NYAP2: variants seen among roughly 807,000 people sequenced by gnomAD.
The protein encoded by NYAP2 is neuronal tyrosine-phosphorylated phosphoinositide-3-kinase adapter 2.
In NYAP2, 23 loss-of-function variants were observed where a neutral mutation model predicts 50.4. The ratio of observed to expected loss-of-function variants is 0.46; its 90% confidence interval spans 0.33 to 0.65. The LOEUF (loss-of-function observed/expected upper bound fraction) is 0.65. Among genes scored for constraint, NYAP2 ranks in the 30% least tolerant of loss-of-function variants. NYAP2 has a pLI of 0.02. For missense variants in NYAP2, 885 were observed against 861.0 expected, an observed-to-expected ratio of 1.03 and a Z score of -0.35; for synonymous variants, 394 against 365.2, an observed-to-expected ratio of 1.08 and a Z score of -0.90.
At chr2:225,657,162 G>A (rs188008467), downstream of NYAP2, among the ~76,000 whole-genome samples, 2 of 142,100 alleles carry the variant, frequency 1.4e-5, no homozygotes, top group African/African-American at 2.7e-5. Context: ...CTAGGCTGGC[G>A]TGCAATGATG....
chr2:225,584,013 G>T (rs1692347951), intron 5 of NYAP2, among the ~76,000 whole-genome samples: 1 of 152,116 alleles, frequency 6.6e-6, no homozygotes, highest in South Asian at 2.1e-4. Flanking sequence ...CTGCTCTCCA[G>T]CCTGGGCGAT....
At chr2:225,633,126 G>T (rs1429224469) in intron 6 of NYAP2, among the ~76,000 whole-genome samples, 1 of 152,162 alleles carries the variant, frequency 6.6e-6, no homozygotes, top group Non-Finnish European at 1.5e-5. Context: ...GGATGAAAAA[G>T]GTGAAGAGAC....
intron 5 of NYAP2, among the ~76,000 whole-genome samples, chr2:225,603,593 G>A (rs548831395): frequency 1.3e-5 from 2 of 152,120 alleles, no homozygotes; most frequent in African/African-American, 4.8e-5. Context: ...TTTTAGGAAG[G>A]GTGTTGTGTT....
chr2:225,549,273 A>G (rs1427284086), intron 4 of NYAP2, among the ~76,000 whole-genome samples: 1 of 152,224 alleles, frequency 6.6e-6, no homozygotes, highest in African/African-American at 2.4e-5. Flanking sequence ...TCTTGTCTCT[A>G]CTTAACATTT....
chr2:225,641,217 A>G (rs67625232), intron 6 of NYAP2, among the ~76,000 whole-genome samples: 26,999 of 152,022 alleles, frequency 0.18, 2,807 homozygotes, highest in East Asian at 0.42. Context: ...CCCTGTGGAG[A>G]TGCTGCACCA....
the NYAP2 span, among the ~76,000 whole-genome samples, chr2:225,696,625 C>T: frequency 6.6e-6 from 1 of 151,888 alleles, no homozygotes; most frequent in African/African-American, 2.4e-5. Context: ...CAAAACCTAC[C>T]TGCCTGGTTT....
At chr2:225,424,214 G>A (rs910953665) in intron 3 of NYAP2, among the ~76,000 whole-genome samples, 8 of 152,102 alleles carry the variant, frequency 5.3e-5, no homozygotes, top group African/African-American at 1.9e-4. Context: ...GTGATAGCAG[G>A]ACAATGAACT....
At chr2:225,585,682 G>A (rs924997363) in intron 5 of NYAP2, among the ~76,000 whole-genome samples, 1 of 152,134 alleles carries the variant, frequency 6.6e-6, no homozygotes, top group African/African-American at 2.4e-5. Flanking sequence ...GAAAAATGCA[G>A]GTAATACAAA....
chr2:225,529,141 C>T (rs1017857202), intron 4 of NYAP2, among the ~76,000 whole-genome samples: 1 of 152,062 alleles, frequency 6.6e-6, no homozygotes, highest in Non-Finnish European at 1.5e-5. Context: ...GAAAGGAGTT[C>T]ATAACCTGCC....
At chr2:225,568,514 C>G (rs1559216836) in intron 4 of NYAP2, among the ~76,000 whole-genome samples, 1 of 152,106 alleles carries the variant, frequency 6.6e-6, no homozygotes, top group Non-Finnish European at 1.5e-5. Context: ...CAAAATACCC[C>G]AAATTCTGAA....
chr2:225,665,911 T>C, the NYAP2 span, among the ~76,000 whole-genome samples: 1,055 of 147,874 alleles, frequency 7.1e-3, 16 homozygotes, highest in African/African-American at 0.025. Flanking sequence ...CACGACCTTC[T>C]TTCCTTCTTA....
At chr2:225,694,354 T>C in the NYAP2 span, among the ~76,000 whole-genome samples, 23 of 151,636 alleles carry the variant, frequency 1.5e-4, no homozygotes, top group African/African-American at 5.3e-4. Flanking sequence ...GAAAAGAAAA[T>C]AGAAAAGCGA....
At position 225,408,855 on chromosome 2, in the gene NYAP2, AC is replaced by A. The variant is rs563133861; in HGVS notation, c.-17-6del. On this transcript the variant is annotated splice_polypyrimidine_tract_variant and splice_region_variant and intron_variant, in intron 2 of 6. Transcript: ENST00000636099. Reference sequence around the variant, plus strand: ...CTGGATAAAAGTAAAATGTGTTCTCACCCTGCAGGCAGTGTTCCTCTTTACA... The same window carrying A: ...CTGGATAAAAGTAAAATGTGTTCTCACCTGCAGGCAGTGTTCCTCTTTACA... 2.0e-5 allele frequency: 30 copies of A among 1,494,138 alleles called. No homozygotes were observed. In the Admixed American group the frequency reaches 4.9e-4, roughly 25 times the overall value. The allele number at this position is 1,494,138 out of a possible 1,614,324, so 92.6% of individuals were successfully genotyped here. A position where few individuals can be genotyped will look rare whatever the true frequency, so the allele number is the denominator to read the frequency against.
intron 4 of NYAP2, among the ~76,000 whole-genome samples, chr2:225,518,746 T>C (rs772291618): frequency 1.5e-4 from 22 of 149,248 alleles, no homozygotes; most frequent in Non-Finnish European, 2.5e-4. Context: ...AGGCCAGGCA[T>C]GGTGGCTTAC....
At chr2:225,551,768 T>C (rs1471133719) in intron 4 of NYAP2, among the ~76,000 whole-genome samples, 1 of 152,214 alleles carries the variant, frequency 6.6e-6, no homozygotes, top group Non-Finnish European at 1.5e-5. Context: ...GGTTGAGGCA[T>C]ATACACAGTA....
chr2:225,668,515 GAAGAA>G, the NYAP2 span, among the ~76,000 whole-genome samples: 2 of 152,132 alleles, frequency 1.3e-5, no homozygotes, highest in East Asian at 3.9e-4. Flanking sequence ...CTTAGAAAAA[GAAGAA>G]ATCTAATTAT....
chr2:225,624,489 G>C lies in NYAP2; in HGVS notation c.1619-2428G>C, dbSNP rs546451447. Among the ~76,000 whole-genome samples the C allele has an allele frequency of 2.0e-5, 3 of 152,166 alleles. No individual in the cohort carries two copies. The East Asian group carries it at 5.8e-4, about 29-fold the overall frequency. ...CTATTTGAGGCCAATTTTTACATGG[G>C]TGGTTGTTTAGCTTTTAGGATTATT... On this transcript the variant is annotated intron_variant, in intron 5 of 6. Transcript: ENST00000636099.
intron 4 of NYAP2, among the ~76,000 whole-genome samples, chr2:225,550,060 C>T (rs966304437): frequency 6.6e-6 from 1 of 151,712 alleles, no homozygotes; most frequent in Non-Finnish European, 1.5e-5. Flanking sequence ...GAACCTCAGG[C>T]TCAGTCAAAT....
chr2:225,582,117 C>G lies in NYAP2; in HGVS notation c.700C>G (p.Pro234Ala). Residue 234 changes from proline to alanine, a missense_variant, in exon 5 of 7, where the codon CCC (proline) becomes GCC (alanine). Coordinates refer to ENST00000636099, the Ensembl canonical transcript of NYAP2. The surrounding 1 kb of genome is among the most constrained non-coding windows in gnomAD (Gnocchi z 7.0). Reference sequence around the variant, plus strand: ...CTCCTCCTTGTCCCAGATGGGCAGCCCCGCGGGAGACCCCGAGGAAGAGGA... The same window carrying G: ...CTCCTCCTTGTCCCAGATGGGCAGCGCCGCGGGAGACCCCGAGGAAGAGGA... 6.2e-7 allele frequency: 1 copy of G among 1,613,920 alleles called. No homozygotes were observed. The highest frequency in any genetic ancestry group is 8.5e-7 in the Non-Finnish European group (1 of 1,179,824).
Sources: allele counts gnomAD v4.1 joint callset (sites outside exome capture counted in the v4.1 genomes callset), GRCh38; gene constraint gnomAD v4.1.1; non-coding constraint Gnocchi (gnomAD v3.1); transcripts MANE v1.5; gene names NCBI Gene and HGNC (gene_info 2026-07-23, HGNC 2026-07-21).